FBXL19: variants seen among roughly 807,000 people sequenced by gnomAD.
The protein encoded by FBXL19 is F-box and leucine rich repeat protein 19, also known as F-box/LRR-repeat protein 19.
In FBXL19, 16 loss-of-function variants were observed where a neutral mutation model predicts 71.2. That is an observed-to-expected ratio of 0.22 (90% CI 0.15 to 0.34). FBXL19 has a LOEUF of 0.34. FBXL19 is among the 10% of genes least tolerant of loss of function. The probability of loss-of-function intolerance (pLI) is 1.00; values close to 1 mark genes in which losing one functional copy is unlikely to be tolerated. For synonymous variants in FBXL19, 447 were observed against 409.4 expected, an observed-to-expected ratio of 1.09 and a Z score of -1.11; for missense variants, 658 against 968.2, an observed-to-expected ratio of 0.68 and a Z score of 4.25.
In FBXL19 at chr16:30,930,922, G is replaced by A. The variant is rs1596651753; in HGVS notation, c.1301+338G>A. ...CAGTGCCTTTCCTCCTAATAGTAGC[G>A]ACTATATTGAGTGTCTAGTGTGTGT... is the stretch of plus-strand genomic sequence containing the variant. On this transcript the variant is annotated intron_variant, in intron 7 of 10. Coordinates refer to ENST00000338343, the MANE Select transcript of FBXL19 (RefSeq NM_001382779.1). The surrounding 1 kb of genome is among the most constrained non-coding windows in gnomAD (Gnocchi z 8.5). Among the ~76,000 whole-genome samples the A allele has an allele frequency of 6.6e-6, 1 of 152,126 alleles. No individual in the cohort carries two copies. The highest frequency in any genetic ancestry group is 2.1e-4 in the South Asian group (1 of 4,820).
chr16:30,946,747 G>A lies in FBXL19; in HGVS notation c.1645G>A (p.Gly549Ser). 1 of 1,613,020 alleles carries A rather than the reference G, an allele frequency of 6.2e-7. No homozygotes were observed. The highest frequency in any genetic ancestry group is 8.5e-7 in the Non-Finnish European group (1 of 1,179,714). Residue 549 changes from glycine (G) to serine (S), a missense_variant, in exon 10 of 11, where the codon GGT (glycine) becomes AGT (serine). This residue lies in a region of FBXL19 where 25 missense variants were observed against 25.0 expected (regional missense o/e 1.00). Coordinates refer to ENST00000338343, the MANE Select transcript of FBXL19 (RefSeq NM_001382779.1). The surrounding 1 kb of genome is among the most constrained non-coding windows in gnomAD (Gnocchi z 6.7). Reference protein sequence around the residue: ...DTKPGQTESRGRLQGVAELRL... With the variant: ...DTKPGQTESRSRLQGVAELRL... ...CTGCCCAGGGCAAACAGAGAGCCGT[G>A]GTCGGCTGCAGGGGGTGGCAGAACT...
At position 30,924,472 on chromosome 16, in the gene FBXL19, G is replaced by C. The variant is rs925547585; in HGVS notation, c.-25+13G>C. On this transcript the variant is annotated intron_variant, in intron 1 of 10. Transcript: ENST00000338343. ...GGACACGTGTGAGGTGGGTTCATGCGGCTCCTCCTCACCCCCAGACCTGGG... is the reference window on the plus strand; with the variant it reads ...GGACACGTGTGAGGTGGGTTCATGCCGCTCCTCCTCACCCCCAGACCTGGG... The C allele has an allele frequency of 2.2e-6, 1 of 445,110 alleles. No homozygotes were observed. The highest frequency in any genetic ancestry group is 3.7e-6 in the Non-Finnish European group (1 of 271,298). The allele number at this position is 445,110 out of a possible 1,614,324, so 27.6% of individuals were successfully genotyped here. A position where few individuals can be genotyped will look rare whatever the true frequency, so the allele number is the denominator to read the frequency against.
At chr16:30,936,745 C>CTT (rs77614872) in intron 7 of FBXL19, among the ~76,000 whole-genome samples, 85 of 122,398 alleles carry the variant, frequency 6.9e-4, no homozygotes, top group Non-Finnish European at 7.6e-4. Flanking sequence ...CGCGCCCGAC[C>CTT]TTTTTTTTTT....
upstream of FBXL19, chr16:30,923,297 G>C (rs1044155850): frequency 2.3e-6 from 1 of 437,408 alleles, no homozygotes; most frequent in Non-Finnish European, 4.7e-6. Flanking sequence ...GGGGCAACGG[G>C]ACTCTAACTC....
chr16:30,933,296 C>T lies in FBXL19; in HGVS notation c.1301+2712C>T, dbSNP rs368419366. On this transcript the variant is annotated intron_variant, in intron 7 of 10. Transcript: ENST00000338343. ...GAGATTACAGGCATGAGCCACTGCG[C>T]CTGGCCTAATTTTTGTATTTTTAGT... Among the ~76,000 whole-genome samples the T allele has an allele frequency of 1.1e-4, 17 of 152,224 alleles. No homozygotes were observed. In the East Asian group the frequency reaches 1.7e-3, roughly 16 times the overall value.
At chr16:30,924,534 C>G in intron 1 of FBXL19, 75 bp downstream of exon 1, 1 of 1,173,306 alleles carries the variant, frequency 8.5e-7, no homozygotes, top group Non-Finnish European at 1.1e-6. Flanking sequence ...CCCGGCCTCT[C>G]TCTACCTTCC....
At position 30,927,748 on chromosome 16, in the gene FBXL19, T is replaced by G. The variant is rs763236103; in HGVS notation, c.412T>G (p.Ser138Ala). ...CCCCAGCTTCTGTCCCGCCTAGGATTCAGGTGAGGGGCCTGGCCGCCGTAG... is the reference window on the plus strand; with the variant it reads ...CCCCAGCTTCTGTCCCGCCTAGGATGCAGGTGAGGGGCCTGGCCGCCGTAG... ...CTQEGRTSKD[S>A]GEGPGRRRAD... is the part of the protein sequence containing the mutation. Residue 138 changes from serine (S) to alanine (A), a missense_variant, in exon 5 of 11, where the codon TCA (serine) becomes GCA (alanine). This residue lies in a region of FBXL19 where 447 missense variants were observed against 515.4 expected (regional missense o/e 0.87). Transcript: ENST00000338343. 6 of 1,556,904 alleles carry G rather than the reference T, an allele frequency of 3.9e-6. No individual in the cohort carries two copies. Among genetic ancestry groups the G allele is most frequent in the Non-Finnish European group, 5.2e-6 (6 of 1,150,802 alleles).
rs1390090689 is a variant in FBXL19 at position 30,927,588 on chromosome 16, G to C, written c.337G>C (p.Gly113Arg). The change falls in exon 4 of 11, where the codon GGT (glycine) becomes CGT (arginine). Residue 113 changes from glycine (G) to arginine (R), a missense_variant. Gly to Arg is a moderately radical substitution (Grantham distance 125, BLOSUM62 -2). This residue lies in a region of FBXL19 where 447 missense variants were observed against 515.4 expected (regional missense o/e 0.87). Transcript: ENST00000338343. ...CTGCCTACAGATGGGGAAGGCTGAG[G>C]GTGTCATCAATGCAGAGATCCCCAA... ...PGCLKMGKAEGVINAEIPNCW... is the reference protein window; with the variant it reads ...PGCLKMGKAERVINAEIPNCW... 2 of 1,559,806 alleles carry C rather than the reference G, an allele frequency of 1.3e-6. No homozygotes were observed. The highest frequency in any genetic ancestry group is 1.4e-5 in the African/African-American group (1 of 73,366).
chr16:30,924,841 G>A (rs2055572306), intron 1 of FBXL19: 2 of 1,233,726 alleles, frequency 1.6e-6, no homozygotes, highest in East Asian at 5.9e-5. Flanking sequence ...GGTTTCCATG[G>A]GAGGGGGAGC....
chr16:30,930,706 T>C lies in FBXL19; in HGVS notation c.1301+122T>C, dbSNP rs898364875. ...TTATATTGGGGATACTTCTCTAGTA[T>C]GCACAGATTACAGTGCATCCTTCCG... On this transcript the variant is annotated intron_variant, in intron 7 of 10. Transcript: ENST00000338343. This position sits in a 1 kb window ranked among gnomAD's most constrained non-coding sequence, Gnocchi z 8.5. The C allele has an allele frequency of 2.8e-6, 3 of 1,086,548 alleles. No homozygotes were observed. The highest frequency in any genetic ancestry group is 7.6e-5 in the Admixed American group (2 of 26,378). The allele number at this position is 1,086,548 out of a possible 1,614,324, so 67.3% of individuals were successfully genotyped here. A position where few individuals can be genotyped will look rare whatever the true frequency, so the allele number is the denominator to read the frequency against.
chr16:30,926,833 G>A (rs1296092943), intron 2 of FBXL19, among the ~76,000 whole-genome samples: 1 of 152,108 alleles, frequency 6.6e-6, no homozygotes, highest in Non-Finnish European at 1.5e-5. Context: ...CTTCCCTAGT[G>A]TTCCCAGGGG....
chr16:30,940,284 G>A (rs898920566), intron 7 of FBXL19, among the ~76,000 whole-genome samples: 1 of 151,792 alleles, frequency 6.6e-6, no homozygotes, highest in East Asian at 1.9e-4. Flanking sequence ...GTCAGGTGTG[G>A]TGGCATGTGC....
rs1233934368 is a variant in FBXL19, at chr16:30,948,776, CAG to C, written c.*1547_*1548del. ...GTTTGCTATAAAACTCAAAATCTTC[CAG>C]CCGGGGCTGCGGAGTTCGTGTGTGT... On this transcript the variant is annotated 3_prime_UTR_variant, in exon 11 of 11. Transcript: ENST00000338343. 6.5e-6 allele frequency: 1 copy of C among 152,842 alleles called. No individual in the cohort carries two copies. The allele number at this position is 152,842 out of a possible 1,614,324, so 9.5% of individuals were successfully genotyped here.
intron 1 of FBXL19, 107 bp downstream of exon 1, chr16:30,924,566 C>T (rs1235310336): frequency 5.2e-6 from 7 of 1,339,734 alleles, no homozygotes; most frequent in Non-Finnish European, 6.6e-6. Context: ...CTCACCCTCT[C>T]TCTACTCCAA....
chr16:30,928,667 C>G, intron 6 of FBXL19, 39 bp downstream of exon 6: 1 of 1,468,160 alleles, frequency 6.8e-7, no homozygotes, highest in Non-Finnish European at 9.0e-7. Flanking sequence ...CCCACCTTCC[C>G]TTGCCCCACC....
rs773960782 is a variant in FBXL19 at position 30,928,577 on chromosome 16, G to T, written c.738G>T (p.Pro246=). The T allele has an allele frequency of 6.2e-7, 1 of 1,605,476 alleles. No homozygotes were observed. The highest frequency in any genetic ancestry group is 1.7e-5 in the Admixed American group (1 of 59,166). The stretch of plus-strand genomic sequence containing the variant: ...TGCTGCCCCCCAGGGTTCTGAATCC[G>T]AGCCAGGCTTTCTCATCCTGCCACC... ...PGLLPPRVLN[P]SQAFSSCHPG... Residue 246 remains proline (P), a synonymous_variant, in exon 6 of 11, where the codon CCG becomes CCT. Transcript: ENST00000338343.
chr16:30,934,140 G>A (rs1285227026), intron 7 of FBXL19, among the ~76,000 whole-genome samples: 2 of 151,944 alleles, frequency 1.3e-5, no homozygotes, highest in Non-Finnish European at 2.9e-5. Flanking sequence ...CAAGACGGGC[G>A]GATCACTTGT....
intron 7 of FBXL19, among the ~76,000 whole-genome samples, chr16:30,932,989 C>T (rs1313016353): frequency 6.6e-6 from 1 of 151,456 alleles, no homozygotes; most frequent in Non-Finnish European, 1.5e-5. Context: ...TACAAGCACC[C>T]ACCACCATGC....
chr16:30,927,483 G>T (rs748938431), intron 3 of FBXL19, 32 bp downstream of exon 3: 2 of 1,575,076 alleles, frequency 1.3e-6, no homozygotes, highest in Admixed American at 1.9e-5. Context: ...CGTCTGGGGT[G>T]GGGCAGATTG....
Sources: allele counts gnomAD v4.1 joint callset (sites outside exome capture counted in the v4.1 genomes callset), GRCh38; gene constraint gnomAD v4.1.1; regional missense constraint gnomAD v4.1.1; non-coding constraint Gnocchi (gnomAD v3.1); transcripts MANE v1.5; gene names NCBI Gene and HGNC (gene_info 2026-07-23, HGNC 2026-07-21).